The following FAM167A variants were observed in gnomAD, a reference collection of about 807,000 sequenced individuals.
The protein encoded by FAM167A is family with sequence similarity 167 member A.
A neutral mutation model predicts 14.9 loss-of-function variants in FAM167A; 23 were observed. That is an observed-to-expected ratio of 1.55 (90% CI 1.11 to 2.19). FAM167A has a LOEUF of 2.19. Ranked by LOEUF, FAM167A falls within the 30% of genes most tolerant of loss-of-function variation. The pLI is 0.00. For synonymous variants in FAM167A, 174 were observed against 117.7 expected, an observed-to-expected ratio of 1.48 and a Z score of -3.10; for missense variants, 401 against 281.5, an observed-to-expected ratio of 1.42 and a Z score of -3.04.
chr8:11,427,128 G>A (rs1805225301), intron 2 of FAM167A, among the ~76,000 whole-genome samples: 2 of 152,212 alleles, frequency 1.3e-5, no homozygotes, highest in African/African-American at 4.8e-5. Context: ...TTTGCCTGAT[G>A]CAGTTCCCAG....
At chr8:11,433,075 G>C (rs1472602821) in intron 2 of FAM167A, among the ~76,000 whole-genome samples, 1 of 152,096 alleles carries the variant, frequency 6.6e-6, no homozygotes, top group African/African-American at 2.4e-5. Context: ...GGGGTAGGGA[G>C]GGATAACATT....
At chr8:11,436,224 T>G (rs1159384172) in intron 2 of FAM167A, among the ~76,000 whole-genome samples, 1 of 152,168 alleles carries the variant, frequency 6.6e-6, no homozygotes, top group East Asian at 1.9e-4. Context: ...AGACTGGAGA[T>G]GCGGTGGGGA....
chr8:11,473,554 C>T (rs1055184483), intron 1 of FAM167A, among the ~76,000 whole-genome samples: 11 of 152,172 alleles, frequency 7.2e-5, no homozygotes, highest in Admixed American at 1.3e-4. Flanking sequence ...CCCACTGCCA[C>T]GTAGATGTTC....
chr8:11,453,091 T>C (rs1008998020), intron 1 of FAM167A, among the ~76,000 whole-genome samples: 12 of 152,198 alleles, frequency 7.9e-5, no homozygotes, highest in African/African-American at 2.9e-4. Context: ...CAAAGCTCCC[T>C]CCTCCAGGCT....
intron 1 of FAM167A, among the ~76,000 whole-genome samples, chr8:11,457,100 TGGGCGGGGCTGGGTTGGG>T (rs1807358775): frequency 2.7e-4 from 1 of 3,704 alleles, no homozygotes; most frequent in African/African-American, 1.1e-3. Flanking sequence ...GTTGGGGAAA[TGGGCGGGGCTGGGTTGGG>T]GAAGTGGGCG....
In FAM167A at chr8:11,424,108, G is replaced by A. The variant is rs1804958060; in HGVS notation, c.*265C>T. On this transcript the variant is annotated 3_prime_UTR_variant, in exon 3 of 3. Coordinates refer to ENST00000284486, the MANE Select transcript of FAM167A (RefSeq NM_053279.3). ...GGGATGGATTATGGTGGGAACCCAGGTCTCCTTTAACATCTTGGTTGGAGC... is the reference window on the plus strand; with the variant it reads ...GGGATGGATTATGGTGGGAACCCAGATCTCCTTTAACATCTTGGTTGGAGC... The A allele has an allele frequency of 2.2e-6, 1 of 446,670 alleles. No individual in the cohort carries two copies. The highest frequency in any genetic ancestry group is 4.1e-6 in the Non-Finnish European group (1 of 246,772). The allele number at this position is 446,670 out of a possible 1,614,324, so 27.7% of individuals were successfully genotyped here.
intron 1 of FAM167A, chr8:11,445,540 C>T (rs897130813): frequency 2.0e-6 from 2 of 985,412 alleles, no homozygotes; most frequent in African/African-American, 1.7e-5. Context: ...CGAGGCTTCT[C>T]GTGTTCACCT....
At chr8:11,449,281 C>T (rs1480194934) in intron 1 of FAM167A, among the ~76,000 whole-genome samples, 8 of 152,248 alleles carry the variant, frequency 5.3e-5, no homozygotes, top group Non-Finnish European at 1.0e-4. Flanking sequence ...CACACAGGCG[C>T]AGGGACGTGA....
At chr8:11,449,128 G>A (rs1031592603) in intron 1 of FAM167A, among the ~76,000 whole-genome samples, 10 of 152,236 alleles carry the variant, frequency 6.6e-5, no homozygotes, top group Non-Finnish European at 1.3e-4. Context: ...CAGTCAGACC[G>A]CGAGGAGTTG....
At chr8:11,427,276 C>A (rs896903223) in intron 2 of FAM167A, among the ~76,000 whole-genome samples, 5 of 152,170 alleles carry the variant, frequency 3.3e-5, no homozygotes, top group African/African-American at 1.2e-4. Context: ...AGCCAGCATG[C>A]TAGCTGGAGC....
intron 1 of FAM167A, among the ~76,000 whole-genome samples, chr8:11,455,892 AGAGTGT>A (rs1279863607): frequency 1.6e-5 from 2 of 127,078 alleles, no homozygotes; most frequent in Non-Finnish European, 1.6e-5. Context: ...GTTGCCTTGC[AGAGTGT>A]GAGTGTGAGT....
chr8:11,444,982 G>C (rs2117092077), intron 1 of FAM167A, 174 bp from the exon 2 acceptor site: 3 of 623,074 alleles, frequency 4.8e-6, no homozygotes, highest in Non-Finnish European at 6.0e-6. Flanking sequence ...TCAATGCAGA[G>C]AAGTTAATGA....
At position 11,422,881 on chromosome 8, in the gene FAM167A, C is replaced by T. The variant is rs1198429276; in HGVS notation, c.*1492G>A. The T allele has an allele frequency of 6.6e-6, 1 of 152,574 alleles. No individual in the cohort carries two copies. The highest frequency in any genetic ancestry group is 1.5e-5 in the Non-Finnish European group (1 of 68,050). The allele number at this position is 152,574 out of a possible 1,614,324, so 9.5% of individuals were successfully genotyped here. ...TGTCAGTGCCTTGCTCCACCTTGAC[C>T]CAAATGTTCTGAATTGCAATACTCT... On this transcript the variant is annotated 3_prime_UTR_variant, in exon 3 of 3. Coordinates refer to ENST00000284486, the MANE Select transcript of FAM167A (RefSeq NM_053279.3).
intron 2 of FAM167A, chr8:11,434,686 G>T (rs1028761482): frequency 9.3e-6 from 2 of 215,418 alleles, no homozygotes; most frequent in Non-Finnish European, 1.9e-5. Flanking sequence ...ACAGAGTGAT[G>T]CATTCCGAAG....
intron 1 of FAM167A, among the ~76,000 whole-genome samples, chr8:11,475,063 T>C (rs950592617): frequency 3.9e-5 from 6 of 152,076 alleles, no homozygotes; most frequent in African/African-American, 1.4e-4. Context: ...GCAGGACTCT[T>C]CCCCTCTTAC....
At chr8:11,466,906 G>A (rs1052003766), upstream of FAM167A, 16 of 152,198 alleles carry the variant, frequency 1.1e-4, no homozygotes, top group African/African-American at 3.9e-4. Context: ...GGGTCCTAGC[G>A]CCCTGTCGGT....
At chr8:11,425,531 G>C (rs1261075435) in intron 2 of FAM167A, among the ~76,000 whole-genome samples, 2 of 152,120 alleles carry the variant, frequency 1.3e-5, no homozygotes, top group African/African-American at 4.8e-5. Context: ...GTTTCCTATT[G>C]ATGTGTAAAC....
chr8:11,475,619 C>T lies in FAM167A; in HGVS notation c.-398+247G>A, dbSNP rs183143821. Among the ~76,000 whole-genome samples, 7 of 152,272 alleles carry T rather than the reference C, an allele frequency of 4.6e-5. No individual in the cohort carries two copies. In the East Asian group the frequency reaches 7.7e-4, roughly 17 times the overall value. On this transcript the variant is annotated intron_variant, in intron 1 of 1. Coordinates refer to the FAM167A transcript ENST00000648766. ...CTTCTTGCCATCAGAAGAGCCATTA[C>T]GTTTTAAAAACCCACCCCACACAAG...
At chr8:11,468,399 A>G (rs995425373), upstream of FAM167A, among the ~76,000 whole-genome samples, 10 of 152,226 alleles carry the variant, frequency 6.6e-5, no homozygotes, top group African/African-American at 1.9e-4. Flanking sequence ...AGGGAACCCC[A>G]GGTTACAGGT....
Sources: gnomAD v4.1 joint callset for allele counts (sites outside exome capture counted in the v4.1 genomes callset) on GRCh38, gnomAD v4.1.1 for gene constraint, MANE v1.5 for transcripts, NCBI Gene and HGNC (gene_info 2026-07-23, HGNC 2026-07-21) for gene names.